Variants in TEX264 observed in about 807,000 individuals in gnomAD.
TEX264 encodes testis-expressed protein 264.
Under a neutral mutation model 23.4 loss-of-function variants are expected in TEX264, and 13 were observed. The observed-to-expected ratio is 0.56, with a 90% CI of 0.36 to 0.88. TEX264 has a LOEUF of 0.88. Ranked by LOEUF, TEX264 falls within the 40% of genes least tolerant of loss-of-function variation. The probability of loss-of-function intolerance (pLI) is 0.01; values close to 1 mark genes in which losing one functional copy is unlikely to be tolerated. For missense variants in TEX264, 340 were observed against 406.8 expected (o/e 0.84, Z 1.41); for synonymous variants, 159 against 170.0 (o/e 0.94, Z 0.50).
At chr3:51,679,468 A>G (rs1342180820) in intron 2 of TEX264, among the ~76,000 whole-genome samples, 1 of 152,174 alleles carries the variant, frequency 6.6e-6, no homozygotes, top group East Asian at 1.9e-4. Context: ...GCCCGCTTTC[A>G]CTAGGGCCAA....
rs1703403361 is a variant in TEX264, at chr3:51,703,620, G to A, written c.650-104G>A. The A allele has an allele frequency of 8.1e-7, 1 of 1,237,540 alleles. No individual in the cohort carries two copies. Among genetic ancestry groups the A allele is most frequent in the African/African-American group, 1.5e-5 (1 of 66,514 alleles). The allele number at this position is 1,237,540 out of a possible 1,614,324, so 76.7% of individuals were successfully genotyped here. A position where few individuals can be genotyped will look rare whatever the true frequency, so the allele number is the denominator to read the frequency against. On this transcript the variant is annotated intron_variant, in intron 4 of 4. Coordinates refer to ENST00000341333, the MANE Select transcript of TEX264 (RefSeq NM_015926.6). The surrounding 1 kb of genome is among the most constrained non-coding windows in gnomAD (Gnocchi z 4.8). ...AGCTGGAGCAAGCCCCCTGAGCCCG[G>A]GAGGCTGCATTATTCATGAGTGCAC...
rs200204760 is a variant in TEX264 at position 51,684,676 on chromosome 3, G to T, written c.480+42G>T. 27 of 1,596,658 alleles carry T rather than the reference G, an allele frequency of 1.7e-5. No individual in the cohort carries two copies. The East Asian group carries it at 6.0e-4, about 36-fold the overall frequency. On this transcript the variant is annotated intron_variant, in intron 3 of 4. Coordinates refer to ENST00000341333, the MANE Select transcript of TEX264 (RefSeq NM_015926.6). ...GGGTGTGTGTGTTGGGGACAGCCAGGCCCCTTGGGTGGAGCTGAGGAGGAC... is the reference window on the plus strand; with the variant it reads ...GGGTGTGTGTGTTGGGGACAGCCAGTCCCCTTGGGTGGAGCTGAGGAGGAC...
intron 3 of TEX264, among the ~76,000 whole-genome samples, chr3:51,696,386 G>A (rs1395049578): frequency 1.3e-5 from 2 of 152,188 alleles, no homozygotes; most frequent in African/African-American, 4.8e-5. Context: ...TGAGGGAGAG[G>A]CAGCTGGCCT....
intron 3 of TEX264, among the ~76,000 whole-genome samples, chr3:51,685,651 AACCAGGAAAATAACACAGTT>A (rs1297602793): frequency 1.3e-5 from 2 of 152,232 alleles, no homozygotes; most frequent in African/African-American, 4.8e-5. Context: ...GCAGTGTTCC[AACCAGGAAAATAACACAGTT>A]GGAGCCACGT....
intron 3 of TEX264, 103 bp downstream of exon 3, chr3:51,684,737 G>A (rs1416128003): frequency 2.1e-5 from 24 of 1,163,936 alleles, no homozygotes; most frequent in Middle Eastern, 2.5e-4. Flanking sequence ...TTTTGGGAGA[G>A]CAGCACCCTG....
intron 3 of TEX264, among the ~76,000 whole-genome samples, chr3:51,690,108 G>A (rs1392256045): frequency 6.6e-6 from 1 of 152,130 alleles, no homozygotes; most frequent in Admixed American, 6.5e-5. Context: ...TCTGTCCAGT[G>A]GGCACAGAAC....
At chr3:51,690,520 T>C (rs1702789440) in intron 3 of TEX264, among the ~76,000 whole-genome samples, 1 of 144,694 alleles carries the variant, frequency 6.9e-6, no homozygotes, top group African/African-American at 2.6e-5. Context: ...ATCACGACAC[T>C]GATCTCCAGC....
At position 51,684,569 on chromosome 3, in the gene TEX264, A is replaced by G. The variant is rs767989437; in HGVS notation, c.415A>G (p.Thr139Ala). ...TGTGGTGACAGCCACCTTCCCCTACACCACCATTCTGTCCATCTGGCTGGC... is the reference window on the plus strand; with the variant it reads ...TGTGGTGACAGCCACCTTCCCCTACGCCACCATTCTGTCCATCTGGCTGGC... ...SHVVTATFPY[T>A]TILSIWLATR... The change falls in exon 3 of 5, where the codon ACC (threonine) becomes GCC (alanine). Residue 139 changes from threonine to alanine, a missense_variant. By Grantham distance (58) the Thr-to-Ala change is moderately conservative (BLOSUM62 0). Transcript: ENST00000341333. 2 of 1,613,900 alleles carry G rather than the reference A, an allele frequency of 1.2e-6. No homozygotes were observed. The highest frequency in any genetic ancestry group is 1.7e-6 in the Non-Finnish European group (2 of 1,179,934).
At chr3:51,687,677 GC>G (rs1385119834) in intron 3 of TEX264, among the ~76,000 whole-genome samples, 3 of 152,316 alleles carry the variant, frequency 2.0e-5, no homozygotes, top group Non-Finnish European at 4.4e-5. Context: ...GCCAGGAGTT[GC>G]GGGGGGAGGA....
At chr3:51,684,163 C>A in intron 2 of TEX264, 1 of 530,964 alleles carries the variant, frequency 1.9e-6, no homozygotes, top group Non-Finnish European at 3.4e-6. Flanking sequence ...CACTATGATC[C>A]CTGGGTTTCC....
At position 51,703,618 on chromosome 3, in the gene TEX264, C is replaced by T. The variant is rs1040201097; in HGVS notation, c.650-106C>T. ...GCAGCTGGAGCAAGCCCCCTGAGCC[C>T]GGGAGGCTGCATTATTCATGAGTGC... On this transcript the variant is annotated intron_variant, in intron 4 of 4. Coordinates refer to ENST00000341333, the MANE Select transcript of TEX264 (RefSeq NM_015926.6). The surrounding 1 kb of genome is among the most constrained non-coding windows in gnomAD (Gnocchi z 4.8). 16 of 1,224,548 alleles carry T rather than the reference C, an allele frequency of 1.3e-5. No homozygotes were observed. Among genetic ancestry groups the T allele is most frequent in the East Asian group, 4.8e-5 (2 of 41,628 alleles). The allele number at this position is 1,224,548 out of a possible 1,614,324, so 75.9% of individuals were successfully genotyped here.
chr3:51,695,177 T>G (rs1399991588), intron 3 of TEX264, among the ~76,000 whole-genome samples: 5 of 152,206 alleles, frequency 3.3e-5, no homozygotes, highest in Non-Finnish European at 7.3e-5. Flanking sequence ...TGCAGCTGCC[T>G]GGGTATCCAG....
intron 2 of TEX264, among the ~76,000 whole-genome samples, chr3:51,675,504 C>G (rs1358150901): frequency 6.6e-6 from 1 of 152,212 alleles, no homozygotes; most frequent in African/African-American, 2.4e-5. Flanking sequence ...GGTTCCCTCT[C>G]TGTGCCAGGT....
At chr3:51,697,920 T>TA (rs1703132864) in intron 3 of TEX264, among the ~76,000 whole-genome samples, 1 of 152,162 alleles carries the variant, frequency 6.6e-6, no homozygotes, top group Non-Finnish European at 1.5e-5. Context: ...CTCCAACTAT[T>TA]AAAAAATAAT....
chr3:51,680,000 C>T (rs935769839), intron 2 of TEX264, among the ~76,000 whole-genome samples: 4 of 152,158 alleles, frequency 2.6e-5, no homozygotes, highest in South Asian at 2.1e-4. Flanking sequence ...GTATCAACCA[C>T]CTAGTCATGG....
intron 2 of TEX264, among the ~76,000 whole-genome samples, chr3:51,679,436 T>C (rs1702346864): frequency 6.6e-6 from 1 of 152,136 alleles, no homozygotes; most frequent in Non-Finnish European, 1.5e-5. Flanking sequence ...GGCGGCACAG[T>C]GCAGGGAAAA....
chr3:51,682,931 C>T (rs965555960), intron 2 of TEX264: 2 of 152,210 alleles, frequency 1.3e-5, no homozygotes, highest in African/African-American at 4.8e-5. Flanking sequence ...AAAGGAAGGC[C>T]TGGGTTGGCC....
intron 3 of TEX264, among the ~76,000 whole-genome samples, chr3:51,698,884 C>A (rs1703171408): frequency 6.6e-6 from 1 of 152,168 alleles, no homozygotes; most frequent in Admixed American, 6.5e-5. Context: ...AGCATGTCTG[C>A]AAGAGCAGGG....
intron 3 of TEX264, among the ~76,000 whole-genome samples, chr3:51,688,402 T>C (rs1702702373): frequency 6.6e-6 from 1 of 152,160 alleles, no homozygotes; most frequent in Non-Finnish European, 1.5e-5. Flanking sequence ...GGATTGTGTG[T>C]GTAAGGTCTC....
Sources: gnomAD v4.1 joint callset for allele counts (sites outside exome capture counted in the v4.1 genomes callset) on GRCh38, gnomAD v4.1.1 for gene constraint, Gnocchi (gnomAD v3.1) non-coding constraint, MANE v1.5 for transcripts, NCBI Gene and HGNC (gene_info 2026-07-23, HGNC 2026-07-21) for gene names.